GPR137C: variants seen among roughly 807,000 people sequenced by gnomAD.
GPR137C encodes G protein-coupled receptor 137C.
In GPR137C, 27 loss-of-function variants were observed where a neutral mutation model predicts 43.4. That is an observed-to-expected ratio of 0.62 (90% CI 0.46 to 0.86). GPR137C has a LOEUF of 0.86. Ranked by LOEUF, GPR137C falls within the 40% of genes least tolerant of loss-of-function variation. GPR137C has a pLI of 0.00. For missense variants in GPR137C, 522 were observed against 534.6 expected (o/e 0.98, Z 0.23); for synonymous variants, 285 against 226.9 (o/e 1.26, Z -2.30).
intron 3 of GPR137C, among the ~76,000 whole-genome samples, chr14:52,602,659 TC>T (rs2038940146): frequency 6.6e-6 from 1 of 152,096 alleles, no homozygotes; most frequent in Non-Finnish European, 1.5e-5. Context: ...ACTTAATCTT[TC>T]CCCTTTTTAT....
chr14:52,606,253 T>C (rs968798475), intron 3 of GPR137C, among the ~76,000 whole-genome samples: 6 of 152,172 alleles, frequency 3.9e-5, no homozygotes, highest in African/African-American at 1.4e-4. Context: ...TTTTCTTCGT[T>C]ATTCAGTCAT....
intron 1 of GPR137C, among the ~76,000 whole-genome samples, chr14:52,592,972 A>G (rs550013187): frequency 2.0e-5 from 3 of 152,296 alleles, no homozygotes; most frequent in African/African-American, 7.2e-5. Context: ...TGGGTTTGTA[A>G]TAAATAGCTC....
At chr14:52,633,748 T>C in intron 5 of GPR137C, 80 bp from the exon 6 acceptor site, 3 of 1,526,778 alleles carry the variant, frequency 2.0e-6, no homozygotes, top group Non-Finnish European at 2.7e-6. Flanking sequence ...AGGTTAAGAC[T>C]AAAAATTATT....
At chr14:52,620,299 A>G (rs778630817) in intron 3 of GPR137C, among the ~76,000 whole-genome samples, 1 of 152,082 alleles carries the variant, frequency 6.6e-6, no homozygotes, top group Non-Finnish European at 1.5e-5. Flanking sequence ...AAGTCTGTCA[A>G]AATTTTATCT....
chr14:52,567,947 C>T (rs1272319605), intron 1 of GPR137C, among the ~76,000 whole-genome samples: 5 of 152,010 alleles, frequency 3.3e-5, no homozygotes, highest in Admixed American at 2.0e-4. Context: ...CGTGAGCCAC[C>T]GCGCCTGGCT....
chr14:52,568,611 A>T (rs1228339572), intron 1 of GPR137C, among the ~76,000 whole-genome samples: 1 of 152,028 alleles, frequency 6.6e-6, no homozygotes, highest in Non-Finnish European at 1.5e-5. Flanking sequence ...TGGTGGGGGG[A>T]GGGGGCATCC....
intron 1 of GPR137C, among the ~76,000 whole-genome samples, chr14:52,563,768 T>A (rs1203341891): frequency 6.6e-6 from 1 of 152,128 alleles, no homozygotes; most frequent in Non-Finnish European, 1.5e-5. Flanking sequence ...TCTCCCTCAT[T>A]ACGCACATTC....
Position 52,553,441 on chromosome 14 carries a change from C to T in GPR137C, c.294C>T (p.Thr98=). The T allele has an allele frequency of 1.2e-6, 2 of 1,609,156 alleles. No individual in the cohort carries two copies. Among genetic ancestry groups the T allele is most frequent in the East Asian group, 2.2e-5 (1 of 44,868 alleles). The change falls in exon 1 of 7, where the codon ACC becomes ACT. Residue 98 remains threonine, a synonymous_variant. Transcript: ENST00000321662. ...TCCTGTGGGCAGCGCTCAGGACCAC[C>T]CTCTTCTCCGCCGCCTTCTCGCTCA... ...LCLLWAALRT[T]LFSAAFSLSG...
chr14:52,614,851 G>A (rs2039081181), intron 3 of GPR137C, among the ~76,000 whole-genome samples: 1 of 152,052 alleles, frequency 6.6e-6, no homozygotes, highest in South Asian at 2.1e-4. Context: ...CATATATTCT[G>A]GTTATTAATC....
chr14:52,587,370 T>C (rs879258977), intron 1 of GPR137C, among the ~76,000 whole-genome samples: 3 of 152,204 alleles, frequency 2.0e-5, no homozygotes, highest in Non-Finnish European at 4.4e-5. Context: ...GAAGGATGAG[T>C]TGGAATTTGT....
chr14:52,596,060 T>G (rs776168139), intron 1 of GPR137C, among the ~76,000 whole-genome samples: 2 of 152,220 alleles, frequency 1.3e-5, no homozygotes, highest in Non-Finnish European at 2.9e-5. Flanking sequence ...TTAGTTTTCC[T>G]TCTAACAGTC....
chr14:52,593,734 A>G (rs2038814109), intron 1 of GPR137C, among the ~76,000 whole-genome samples: 2 of 151,742 alleles, frequency 1.3e-5, no homozygotes, highest in Admixed American at 6.6e-5. Context: ...CTTCTTTATT[A>G]GTCTTGCTAG....
chr14:52,606,624 C>T (rs555537463), intron 3 of GPR137C, among the ~76,000 whole-genome samples: 2 of 152,092 alleles, frequency 1.3e-5, no homozygotes, highest in South Asian at 4.1e-4. Context: ...TTTTTGTAGA[C>T]AGAATCTATG....
At chr14:52,623,873 C>T (rs868112002) in intron 3 of GPR137C, among the ~76,000 whole-genome samples, 5 of 151,890 alleles carry the variant, frequency 3.3e-5, no homozygotes, top group African/African-American at 9.7e-5. Flanking sequence ...CATTATTAAG[C>T]ATAGTCAGTG....
At chr14:52,604,343 G>A (rs1451254782) in intron 3 of GPR137C, among the ~76,000 whole-genome samples, 1 of 152,086 alleles carries the variant, frequency 6.6e-6, no homozygotes, top group Non-Finnish European at 1.5e-5. Context: ...CCCAGATGAA[G>A]GTCCTGGAGC....
intron 1 of GPR137C, among the ~76,000 whole-genome samples, chr14:52,568,136 G>A (rs1307502734): frequency 6.6e-6 from 1 of 152,094 alleles, no homozygotes; most frequent in Non-Finnish European, 1.5e-5. Flanking sequence ...TTAGACAGTG[G>A]GTGCAGCCCA....
At chr14:52,618,731 A>G (rs1192188545) in intron 3 of GPR137C, among the ~76,000 whole-genome samples, 1 of 152,204 alleles carries the variant, frequency 6.6e-6, no homozygotes, top group African/African-American at 2.4e-5. Flanking sequence ...CATTTCAGAA[A>G]AAATAAGAAC....
chr14:52,577,799 CAA>C (rs564080315), intron 1 of GPR137C, among the ~76,000 whole-genome samples: 41 of 104,210 alleles, frequency 3.9e-4, no homozygotes, highest in Middle Eastern at 5.5e-3. Flanking sequence ...ACCATCTCTA[CAA>C]AAAAAAAAAA....
At chr14:52,601,687 A>G (rs184767840) in intron 3 of GPR137C, among the ~76,000 whole-genome samples, 174 of 152,222 alleles carry the variant, frequency 1.1e-3, no homozygotes, top group African/African-American at 4.0e-3. Flanking sequence ...GTTACAGTCC[A>G]TAATCTTTTG....
Sources: gnomAD v4.1 joint callset for allele counts (sites outside exome capture counted in the v4.1 genomes callset) on GRCh38, gnomAD v4.1.1 for gene constraint, MANE v1.5 for transcripts, NCBI Gene and HGNC (gene_info 2026-07-23, HGNC 2026-07-21) for gene names.